Variants in GRM8 observed in about 807,000 individuals in gnomAD.
GRM8 encodes glutamate metabotropic receptor 8.
GRM8 carries 47 observed loss-of-function variants against 87.2 expected under a neutral mutation model. That is an observed-to-expected ratio of 0.54 (90% confidence interval 0.43 to 0.69). GRM8 has a LOEUF of 0.69. GRM8 is among the 30% of genes least tolerant of loss of function. The probability of loss-of-function intolerance (pLI) is 0.00; values close to 1 mark genes in which losing one functional copy is unlikely to be tolerated. For missense variants in GRM8, 1,019 were observed against 1,139.2 expected (o/e 0.89, Z 1.52); for synonymous variants, 396 against 404.5 (o/e 0.98, Z 0.25).
intron 7 of GRM8, among the ~76,000 whole-genome samples, chr7:126,738,284 T>C (rs1814468216): frequency 6.6e-6 from 1 of 152,046 alleles, no homozygotes; most frequent in African/African-American, 2.4e-5. Context: ...ATGATAGAAG[T>C]GTTTTGAAAA....
At chr7:127,209,780 G>A (rs903277404) in intron 2 of GRM8, among the ~76,000 whole-genome samples, 1 of 152,190 alleles carries the variant, frequency 6.6e-6, no homozygotes, top group Non-Finnish European at 1.5e-5. Context: ...AGGGCTTCCT[G>A]AGACAAAGCT....
intron 8 of GRM8, among the ~76,000 whole-genome samples, chr7:126,582,676 G>A (rs1049128615): frequency 2.6e-4 from 40 of 152,138 alleles, no homozygotes; most frequent in African/African-American, 9.4e-4. Context: ...AATGAAGCAG[G>A]TGACTTTAAA....
intron 6 of GRM8, among the ~76,000 whole-genome samples, chr7:126,783,859 T>C (rs1336600183): frequency 6.6e-6 from 1 of 152,132 alleles, no homozygotes. Context: ...AAACCCCTCA[T>C]AAATCAGGAA....
At chr7:126,873,864 T>C (rs1477201843) in intron 6 of GRM8, among the ~76,000 whole-genome samples, 2 of 152,114 alleles carry the variant, frequency 1.3e-5, no homozygotes, top group Non-Finnish European at 1.5e-5. Context: ...GTCTGCTAAT[T>C]ATGACAGAAT....
At chr7:126,710,296 A>G (rs966279187) in intron 7 of GRM8, among the ~76,000 whole-genome samples, 12 of 152,156 alleles carry the variant, frequency 7.9e-5, no homozygotes, top group South Asian at 2.1e-4. Context: ...AGACAACAAT[A>G]AAGTACGGCA....
chr7:127,181,402 G>A (rs978764248), intron 2 of GRM8, among the ~76,000 whole-genome samples: 3 of 152,038 alleles, frequency 2.0e-5, no homozygotes, highest in Non-Finnish European at 2.9e-5. Context: ...AATCAATAAT[G>A]TGAAAATGAC....
At chr7:126,838,815 A>G (rs1197635301) in intron 6 of GRM8, among the ~76,000 whole-genome samples, 1 of 152,226 alleles carries the variant, frequency 6.6e-6, no homozygotes, top group East Asian at 1.9e-4. Context: ...CATATAAGCA[A>G]CTAGACCACA....
intron 2 of GRM8, among the ~76,000 whole-genome samples, chr7:127,114,199 G>T (rs1193976196): frequency 6.6e-6 from 1 of 152,136 alleles, no homozygotes; most frequent in African/African-American, 2.4e-5. Context: ...TTCAGTCTCT[G>T]ACCTTTTCTT....
chr7:126,682,578 C>T (rs1482198365), intron 7 of GRM8, among the ~76,000 whole-genome samples: 5 of 152,176 alleles, frequency 3.3e-5, no homozygotes, highest in African/African-American at 4.8e-5. Context: ...AAAGAATGGT[C>T]GGCACTGTTT....
intron 6 of GRM8, among the ~76,000 whole-genome samples, chr7:126,801,811 G>A (rs1286739829): frequency 6.6e-6 from 1 of 152,096 alleles, no homozygotes; most frequent in Non-Finnish European, 1.5e-5. Context: ...AGAGGCCATA[G>A]TGGGTTGTCT....
chr7:126,867,886 T>C (rs757018492), intron 6 of GRM8, among the ~76,000 whole-genome samples: 10 of 152,208 alleles, frequency 6.6e-5, no homozygotes, highest in Non-Finnish European at 1.5e-4. Context: ...AAAGTATTTA[T>C]AAAGTACCTC....
At chr7:126,577,073 T>C (rs1263951414) in intron 8 of GRM8, among the ~76,000 whole-genome samples, 1 of 152,172 alleles carries the variant, frequency 6.6e-6, no homozygotes, top group African/African-American at 2.4e-5. Flanking sequence ...TAACTCACAG[T>C]CCTATTTTTC....
chr7:127,109,591 TAACTCCATCAG>T (rs1484325092), intron 2 of GRM8, among the ~76,000 whole-genome samples: 3 of 152,182 alleles, frequency 2.0e-5, no homozygotes, highest in Admixed American at 2.0e-4. Flanking sequence ...GACAGTTCAC[TAACTCCATCAG>T]GCAGAGCTGT....
chr7:126,444,328 A>C (rs1362449079), intron 10 of GRM8, among the ~76,000 whole-genome samples: 1 of 152,116 alleles, frequency 6.6e-6, no homozygotes, highest in Non-Finnish European at 1.5e-5. Flanking sequence ...AAATAGGTTT[A>C]TCATTAGTAA....
intron 8 of GRM8, among the ~76,000 whole-genome samples, chr7:126,593,010 T>C (rs982014946): frequency 1.3e-5 from 2 of 151,964 alleles, no homozygotes; most frequent in Admixed American, 6.6e-5. Flanking sequence ...TGATCCCCTT[T>C]ATATAACTAC....
intron 9 of GRM8, among the ~76,000 whole-genome samples, chr7:126,521,642 C>T (rs1337485470): frequency 6.6e-6 from 1 of 152,000 alleles, no homozygotes; most frequent in Non-Finnish European, 1.5e-5. Flanking sequence ...TTACACAAAA[C>T]TGAGTTGTGG....
intron 3 of GRM8, chr7:127,084,709 T>G (rs150191877): frequency 6.6e-6 from 1 of 152,314 alleles, no homozygotes; most frequent in East Asian, 1.9e-4. Flanking sequence ...AGCCTGAAGA[T>G]CTTGAGAAGT....
chr7:126,490,292 C>A (rs1358869812), intron 9 of GRM8, among the ~76,000 whole-genome samples: 2 of 151,992 alleles, frequency 1.3e-5, no homozygotes, highest in African/African-American at 4.8e-5. Context: ...TTCAGACAAG[C>A]CCTTGGTAAG....
At chr7:127,077,983 G>T (rs1222890029) in intron 3 of GRM8, among the ~76,000 whole-genome samples, 4 of 152,192 alleles carry the variant, frequency 2.6e-5, no homozygotes, top group African/African-American at 4.8e-5. Context: ...TAAACATCCT[G>T]CAATGCACAG....
Sources: gnomAD v4.1 joint callset for allele counts (sites outside exome capture counted in the v4.1 genomes callset) on GRCh38, gnomAD v4.1.1 for gene constraint, MANE v1.5 for transcripts, NCBI Gene and HGNC (gene_info 2026-07-23, HGNC 2026-07-21) for gene names.